The following TAF3 variants were observed in gnomAD, a reference collection of about 807,000 sequenced individuals.
TAF3 encodes the protein transcription initiation factor TFIID subunit 3.
TAF3 carries 7 observed loss-of-function variants against 80.6 expected under a neutral mutation model. The ratio of observed to expected loss-of-function variants is 0.09; its 90% CI spans 0.05 to 0.16. The LOEUF (loss-of-function observed/expected upper bound fraction) is 0.16. TAF3 is among the 10% of genes least tolerant of loss of function. TAF3 has a pLI of 1.00. For synonymous variants in TAF3, 444 were observed against 446.1 expected, an observed-to-expected ratio of 1.00 and a Z score of 0.06; for missense variants, 921 against 1,140.2, an observed-to-expected ratio of 0.81 and a Z score of 2.77.
chr10:7,994,478 C>G (rs548304113), intron 4 of TAF3, among the ~76,000 whole-genome samples: 131 of 152,182 alleles, frequency 8.6e-4, no homozygotes, highest in African/African-American at 3.1e-3. Context: ...TATACTGTTT[C>G]CAGTTCAGAT....
At chr10:7,824,636 G>A in intron 2 of TAF3, 76 bp downstream of exon 2, 1 of 1,494,130 alleles carries the variant, frequency 6.7e-7, no homozygotes, top group Non-Finnish European at 9.1e-7. Flanking sequence ...TCCATGCTAT[G>A]TCAACTTTAT....
chr10:7,824,951 T>C (rs559803623), intron 2 of TAF3, among the ~76,000 whole-genome samples: 3 of 152,232 alleles, frequency 2.0e-5, no homozygotes, highest in Non-Finnish European at 4.4e-5. Context: ...TTGAATGCCA[T>C]GGCTTTATAC....
intron 2 of TAF3, among the ~76,000 whole-genome samples, chr10:7,932,668 A>AT: frequency 8.0e-6 from 1 of 124,670 alleles, no homozygotes; most frequent in South Asian, 2.7e-4. Flanking sequence ...TGTTCCACTT[A>AT]ATTTTTTTTT....
intron 2 of TAF3, among the ~76,000 whole-genome samples, chr10:7,845,795 A>G (rs1836963829): frequency 6.6e-6 from 1 of 152,094 alleles, no homozygotes; most frequent in Non-Finnish European, 1.5e-5. Flanking sequence ...TCTGATTTTT[A>G]ACTTATGTGA....
chr10:7,950,946 A>G (rs1403950572), intron 2 of TAF3, among the ~76,000 whole-genome samples: 1 of 152,254 alleles, frequency 6.6e-6, no homozygotes, highest in Non-Finnish European at 1.5e-5. Context: ...TGCATGTGTT[A>G]CATAAGCCTC....
chr10:7,918,931 C>T (rs929125129), intron 2 of TAF3, among the ~76,000 whole-genome samples: 28 of 152,110 alleles, frequency 1.8e-4, no homozygotes, highest in Middle Eastern at 6.3e-3. Flanking sequence ...CTCACCTCAC[C>T]TCCGGACAGC....
intron 2 of TAF3, among the ~76,000 whole-genome samples, chr10:7,914,267 G>T (rs11255440): frequency 0.21 from 32,222 of 152,190 alleles, 3,530 homozygotes; most frequent in East Asian, 0.3. Flanking sequence ...CGAGATTTGT[G>T]TTAAACGATG....
chr10:8,004,717 A>G (rs990814045), intron 4 of TAF3, among the ~76,000 whole-genome samples: 1 of 151,764 alleles, frequency 6.6e-6, no homozygotes, highest in Non-Finnish European at 1.5e-5. Context: ...TTTCCTCTCT[A>G]TCTATGATAT....
intron 2 of TAF3, among the ~76,000 whole-genome samples, chr10:7,832,804 C>A (rs1446650033): frequency 6.6e-6 from 1 of 152,192 alleles, no homozygotes; most frequent in Non-Finnish European, 1.5e-5. Context: ...CCCACCTCAG[C>A]CTCCCAAAGT....
intron 4 of TAF3, among the ~76,000 whole-genome samples, chr10:8,001,873 A>G (rs1831947849): frequency 6.6e-6 from 1 of 152,166 alleles, no homozygotes; most frequent in African/African-American, 2.4e-5. Flanking sequence ...AACATCTGAA[A>G]ATTATTGTAG....
chr10:7,843,379 A>G (rs1782690), intron 2 of TAF3, among the ~76,000 whole-genome samples: 71,321 of 151,732 alleles, frequency 0.47, 17,010 homozygotes, highest in South Asian at 0.64. Context: ...AAAGTGGTGG[A>G]ATAACAGGCA....
intron 2 of TAF3, among the ~76,000 whole-genome samples, chr10:7,863,553 C>T (rs142417406): frequency 0.01 from 1,463 of 139,450 alleles, 20 homozygotes; most frequent in African/African-American, 0.036. Context: ...GAGGTTGCAG[C>T]GAGCTGAGAT....
intron 2 of TAF3, among the ~76,000 whole-genome samples, chr10:7,842,173 T>G (rs1314266968): frequency 5.1e-5 from 5 of 97,652 alleles, no homozygotes; most frequent in African/African-American, 1.2e-4. Context: ...TGTTTTTTTT[T>G]TTGTTTTTTT....
chr10:7,964,748 C>G lies in TAF3; in HGVS notation c.1238C>G (p.Ser413Trp). ...GATCCTTTCGAATTTTCTTCTGGAT[C>G]GGAATCTGAAGGAGACATTTTTACT... ...EPDPFEFSSG[S>W]ESEGDIFTSP... Residue 413 changes from serine (S) to tryptophan (W), a missense_variant, in exon 3 of 7, where the codon TCG (serine) becomes TGG (tryptophan). Ser to Trp is a radical substitution (Grantham distance 177, BLOSUM62 -3). This residue lies in a region of TAF3 where 743 missense variants were observed against 821.0 expected (regional missense o/e 0.90). Coordinates refer to ENST00000344293, the MANE Select transcript of TAF3 (RefSeq NM_031923.4). The surrounding 1 kb of genome is among the most constrained non-coding windows in gnomAD (Gnocchi z 4.1). 2 of 1,614,142 alleles carry G rather than the reference C, an allele frequency of 1.2e-6. No individual in the cohort carries two copies. Among genetic ancestry groups the G allele is most frequent in the Non-Finnish European group, 1.7e-6 (2 of 1,180,036 alleles).
rs1459444989 is a variant in TAF3, at chr10:7,844,092, C to T, written c.409+19532C>T. ...TAGTAACAATTTGTTCATAATTTAG[C>T]GTCTCTGGAACTTTGTGAGAATAGT... On this transcript the variant is annotated intron_variant, in intron 2 of 6. Coordinates refer to ENST00000344293, the MANE Select transcript of TAF3 (RefSeq NM_031923.4). Among the ~76,000 whole-genome samples the T allele has an allele frequency of 2.6e-5, 4 of 152,124 alleles. No homozygotes were observed. The East Asian group carries it at 5.8e-4, about 22-fold the overall frequency.
intron 2 of TAF3, among the ~76,000 whole-genome samples, chr10:7,857,315 CTT>C (rs1356117522): frequency 6.6e-6 from 1 of 152,242 alleles, no homozygotes; most frequent in Non-Finnish European, 1.5e-5. Context: ...ATTTCTGAAA[CTT>C]TGCCTTCCCT....
chr10:7,963,872 A>G (rs758066193), intron 2 of TAF3, 48 bp from the exon 3 acceptor site: 1 of 1,457,382 alleles, frequency 6.9e-7, no homozygotes, highest in East Asian at 2.4e-5. Flanking sequence ...AGGTTTTGTT[A>G]CATTCCAATA....
intron 3 of TAF3, among the ~76,000 whole-genome samples, chr10:7,976,405 A>C (rs61835861): frequency 0.4 from 58,868 of 146,698 alleles, 12,765 homozygotes; most frequent in Admixed American, 0.53. Flanking sequence ...CGCCACCATG[A>C]CTGGCTAATT....
At chr10:7,904,194 C>A (rs1312808087) in intron 2 of TAF3, among the ~76,000 whole-genome samples, 1 of 152,134 alleles carries the variant, frequency 6.6e-6, no homozygotes, top group Non-Finnish European at 1.5e-5. Flanking sequence ...ACACGCTCTT[C>A]CGAGGCAGTG....
Sources: allele counts gnomAD v4.1 joint callset (sites outside exome capture counted in the v4.1 genomes callset), GRCh38; gene constraint gnomAD v4.1.1; regional missense constraint gnomAD v4.1.1; non-coding constraint Gnocchi (gnomAD v3.1); transcripts MANE v1.5; gene names NCBI Gene and HGNC (gene_info 2026-07-23, HGNC 2026-07-21).